SDK1: variants seen among roughly 807,000 people sequenced by gnomAD.
SDK1 encodes protein sidekick-1.
Under a neutral mutation model 245.5 loss-of-function variants are expected in SDK1, and 157 were observed. The ratio of observed to expected loss-of-function variants is 0.64; its 90% CI spans 0.56 to 0.73. The LOEUF (loss-of-function observed/expected upper bound fraction) is 0.73. Among genes scored for constraint, SDK1 ranks in the 30% least tolerant of loss-of-function variants. The pLI, the probability that SDK1 is intolerant of heterozygous loss-of-function variation, is 0.00. For synonymous variants in SDK1, 1,647 were observed against 1,278.5 expected (o/e 1.29, Z -6.15); for missense variants, 3,583 against 3,002.3 (o/e 1.19, Z -4.52).
At chr7:3,750,969 G>A (rs188446234) in intron 4 of SDK1, among the ~76,000 whole-genome samples, 80 of 152,280 alleles carry the variant, frequency 5.3e-4, no homozygotes, top group Non-Finnish European at 1.0e-3. Flanking sequence ...ACCTCCCTGC[G>A]GGTGCAGAAT....
chr7:4,077,404 C>T (rs926145517), intron 21 of SDK1, among the ~76,000 whole-genome samples: 2 of 152,250 alleles, frequency 1.3e-5, no homozygotes, highest in African/African-American at 4.8e-5. Flanking sequence ...CTTCTGTCTT[C>T]CCCTCCTGCT....
chr7:3,628,427 G>T (rs527946743), intron 2 of SDK1, among the ~76,000 whole-genome samples: 3 of 152,260 alleles, frequency 2.0e-5, no homozygotes, highest in East Asian at 1.9e-4. Context: ...CAGGACTTCA[G>T]TTTGTCCTAA....
intron 1 of SDK1, among the ~76,000 whole-genome samples, chr7:3,315,322 T>G (rs1202697100): frequency 6.6e-6 from 1 of 152,172 alleles, no homozygotes; most frequent in African/African-American, 2.4e-5. Flanking sequence ...TCATACATCC[T>G]TACAACCCTA....
At chr7:3,899,414 T>A (rs1477929621) in intron 5 of SDK1, among the ~76,000 whole-genome samples, 1 of 152,238 alleles carries the variant, frequency 6.6e-6, no homozygotes, top group East Asian at 1.9e-4. Context: ...GTCTACCACG[T>A]GAGATGCAAC....
intron 4 of SDK1, among the ~76,000 whole-genome samples, chr7:3,788,457 C>T (rs1377453324): frequency 6.6e-6 from 1 of 152,136 alleles, no homozygotes; most frequent in Non-Finnish European, 1.5e-5. Flanking sequence ...ATCTACCACC[C>T]AGTCTGCATT....
intron 1 of SDK1, among the ~76,000 whole-genome samples, chr7:3,441,109 G>C (rs1780181652): frequency 6.6e-6 from 1 of 152,124 alleles, no homozygotes; most frequent in African/African-American, 2.4e-5. Context: ...AAGAAGAAAG[G>C]TGAGTATAGT....
At chr7:4,261,096 A>T (rs750330852) in intron 44 of SDK1, among the ~76,000 whole-genome samples, 2 of 152,074 alleles carry the variant, frequency 1.3e-5, no homozygotes, top group Non-Finnish European at 2.9e-5. Flanking sequence ...TGTGTCCCCA[A>T]ATCCCAGGAA....
intron 1 of SDK1, among the ~76,000 whole-genome samples, chr7:3,487,440 A>G (rs892388312): frequency 3.9e-5 from 6 of 152,078 alleles, no homozygotes; most frequent in East Asian, 1.9e-4. Flanking sequence ...GGAGGAAAAA[A>G]AAATCTTAGA....
chr7:3,636,568 A>G (rs1197346742), intron 2 of SDK1, among the ~76,000 whole-genome samples: 1 of 152,228 alleles, frequency 6.6e-6, no homozygotes, highest in East Asian at 1.9e-4. Flanking sequence ...ATAATATTCC[A>G]TCGTGTGTAT....
intron 1 of SDK1, among the ~76,000 whole-genome samples, chr7:3,508,545 C>A (rs1782471208): frequency 6.6e-6 from 1 of 152,026 alleles, no homozygotes. Flanking sequence ...CCAGGCTGGT[C>A]TCGAACTCCT....
intron 4 of SDK1, among the ~76,000 whole-genome samples, chr7:3,701,695 A>C (rs1255843503): frequency 2.0e-5 from 3 of 152,212 alleles, no homozygotes; most frequent in African/African-American, 7.2e-5. Flanking sequence ...CGGATAAGGT[A>C]CAAAGGATCA....
chr7:4,011,495 A>G (rs6968367), intron 15 of SDK1, among the ~76,000 whole-genome samples: 45,254 of 152,138 alleles, frequency 0.3, 9,128 homozygotes, highest in African/African-American at 0.58. Flanking sequence ...AACACCTAGC[A>G]TGCTGTTAAG....
At chr7:3,784,202 AC>A (rs552130970) in intron 4 of SDK1, among the ~76,000 whole-genome samples, 7 of 151,402 alleles carry the variant, frequency 4.6e-5, no homozygotes, top group Non-Finnish European at 5.9e-5. Flanking sequence ...TACAGGCATG[AC>A]CCCCATGCCT....
At chr7:4,185,627 C>G (rs1782844005) in intron 35 of SDK1, among the ~76,000 whole-genome samples, 1 of 152,186 alleles carries the variant, frequency 6.6e-6, no homozygotes, top group Non-Finnish European at 1.5e-5. Flanking sequence ...GCTGTCTTCT[C>G]TTTCCCGGGC....
chr7:4,108,057 C>T (rs1783061343), intron 22 of SDK1, among the ~76,000 whole-genome samples: 3 of 152,198 alleles, frequency 2.0e-5, no homozygotes, highest in Admixed American at 2.0e-4. Context: ...AGACACTGTG[C>T]CGGGGCCAGA....
intron 5 of SDK1, among the ~76,000 whole-genome samples, chr7:3,914,812 T>C (rs1055470284): frequency 1.4e-4 from 21 of 152,214 alleles, no homozygotes; most frequent in African/African-American, 5.1e-4. Flanking sequence ...ATCGGTCAAT[T>C]TGCTTGCTTT....
intron 40 of SDK1, among the ~76,000 whole-genome samples, chr7:4,225,636 A>G (rs1172841221): frequency 6.6e-6 from 1 of 152,184 alleles, no homozygotes; most frequent in African/African-American, 2.4e-5. Flanking sequence ...GGAGCCTGGC[A>G]GGCCGTGCGG....
At position 3,500,934 on chromosome 7, in the gene SDK1, ATTC is replaced by A. The variant is rs1349359795; in HGVS notation, c.299-118143_299-118141del. On this transcript the variant is annotated intron_variant, in intron 1 of 44. Coordinates refer to ENST00000404826, the MANE Select transcript of SDK1 (RefSeq NM_152744.4). ...ATTCTTTTTCTTCTTGCAGCATCCT[ATTC>A]TTATTTAATAGATGAAGCATTTTTT... Among the ~76,000 whole-genome samples the A allele has an allele frequency of 6.6e-5, 10 of 151,974 alleles. No individual in the cohort carries two copies. The South Asian group carries it at 1.2e-3, about 19-fold the overall frequency.
chr7:4,220,503 C>G (rs1785086953), intron 39 of SDK1, among the ~76,000 whole-genome samples: 1 of 132,462 alleles, frequency 7.5e-6, no homozygotes. Flanking sequence ...TTAAGCATGT[C>G]AAGTTTTAGT....
Sources: allele counts gnomAD v4.1 joint callset (sites outside exome capture counted in the v4.1 genomes callset), GRCh38; gene constraint gnomAD v4.1.1; transcripts MANE v1.5; gene names NCBI Gene and HGNC (gene_info 2026-07-23, HGNC 2026-07-21).